The following FLVCR2 variants were observed in gnomAD, a reference collection of about 807,000 sequenced individuals.
FLVCR2 encodes choline/ethanolamine transporter FLVCR2.
Under a neutral mutation model 48.9 loss-of-function variants are expected in FLVCR2, and 38 were observed. The observed-to-expected ratio is 0.78, with a 90% CI of 0.60 to 1.02. The LOEUF is 1.02. FLVCR2 is among the 50% of genes least tolerant of loss of function. The probability of loss-of-function intolerance (pLI) is 0.00; values close to 1 mark genes in which losing one functional copy is unlikely to be tolerated. For missense variants in FLVCR2, 664 were observed against 663.3 expected (o/e 1.00, Z -0.01); for synonymous variants, 255 against 257.0 (o/e 0.99, Z 0.07).
intron 1 of FLVCR2, among the ~76,000 whole-genome samples, chr14:75,613,754 T>C (rs2140029583): frequency 6.6e-6 from 1 of 152,250 alleles, no homozygotes; most frequent in Middle Eastern, 3.4e-3. Flanking sequence ...TTTCACCAGG[T>C]TGGCCAGGCT....
intron 1 of FLVCR2, among the ~76,000 whole-genome samples, chr14:75,611,692 C>T (rs762889620): frequency 2.6e-5 from 4 of 151,982 alleles, no homozygotes; most frequent in Admixed American, 1.3e-4. Flanking sequence ...GAGCCGAGAT[C>T]GCACCACTGC....
At chr14:75,586,431 C>T (rs773216237) in intron 1 of FLVCR2, among the ~76,000 whole-genome samples, 2 of 152,246 alleles carry the variant, frequency 1.3e-5, no homozygotes, top group South Asian at 2.1e-4. Flanking sequence ...TTGCTTCAGG[C>T]GATCTGGATG....
intron 1 of FLVCR2, among the ~76,000 whole-genome samples, chr14:75,618,879 A>G (rs889531735): frequency 2.2e-4 from 33 of 148,164 alleles, no homozygotes; most frequent in Admixed American, 6.7e-5. Context: ...GGTGCTGAGC[A>G]GCAGGGTTTT....
intron 1 of FLVCR2, among the ~76,000 whole-genome samples, chr14:75,602,317 T>C (rs1169253498): frequency 1.3e-5 from 2 of 151,960 alleles, no homozygotes; most frequent in African/African-American, 4.8e-5. Flanking sequence ...CCAGCCCCCT[T>C]CTGAGGCTAC....
At chr14:75,607,657 C>A (rs1255892796) in intron 1 of FLVCR2, among the ~76,000 whole-genome samples, 1 of 152,180 alleles carries the variant, frequency 6.6e-6, no homozygotes, top group Non-Finnish European at 1.5e-5. Context: ...GGACTTTGGG[C>A]ATCCTGCTCT....
intron 1 of FLVCR2, among the ~76,000 whole-genome samples, chr14:75,593,691 T>C (rs1399494202): frequency 1.3e-5 from 2 of 152,238 alleles, no homozygotes; most frequent in African/African-American, 4.8e-5. Flanking sequence ...ACTCAGATCA[T>C]ATCCGAACCA....
At chr14:75,616,043 A>AAAAAAAAAAAAAAAC (rs1889607018) in intron 1 of FLVCR2, among the ~76,000 whole-genome samples, 1 of 145,008 alleles carries the variant, frequency 6.9e-6, no homozygotes, top group South Asian at 2.2e-4. Flanking sequence ...AAAAAAAAAA[A>AAAAAAAAAAAAAAAC]AAAAATAGCG....
Position 75,579,489 on chromosome 14 carries a change from A to T in FLVCR2, c.517A>T (p.Lys173Ter). 6.2e-7 allele frequency: 1 copy of T among 1,612,954 alleles called. No homozygotes were observed. The highest frequency in any genetic ancestry group is 1.1e-5 in the South Asian group (1 of 91,054). ...GGCCTGGGTGAAGCTGGGCAGCCTG[A>T]AGCCGCATCTCTTTCCGGTCACCGT... is the stretch of plus-strand genomic sequence containing the variant. ...LGAWVKLGSL[K>*]PHLFPVTVVG... The change falls in exon 1 of 10, where the codon AAG becomes TAG. Residue 173 changes from lysine to a stop codon, truncating the protein, a stop_gained. Coordinates refer to ENST00000238667, the MANE Select transcript of FLVCR2 (RefSeq NM_017791.3). LOFTEE classifies it high-confidence loss of function.
chr14:75,623,231 C>T (rs1019244482), intron 2 of FLVCR2, among the ~76,000 whole-genome samples: 3 of 152,236 alleles, frequency 2.0e-5, no homozygotes, highest in Non-Finnish European at 4.4e-5. Context: ...ATCTACCCGC[C>T]TCAGCCTCCC....
intron 1 of FLVCR2, among the ~76,000 whole-genome samples, chr14:75,589,117 G>A (rs780563095): frequency 6.6e-6 from 1 of 152,132 alleles, no homozygotes; most frequent in African/African-American, 2.4e-5. Flanking sequence ...TTGGGAGGCT[G>A]AGGTACAAGG....
intron 1 of FLVCR2, among the ~76,000 whole-genome samples, chr14:75,615,508 C>T (rs935439169): frequency 2.0e-5 from 3 of 152,110 alleles, no homozygotes; most frequent in Non-Finnish European, 1.5e-5. Context: ...AGGGAGTGAG[C>T]CTCAGCCCGA....
At chr14:75,600,395 T>C (rs1435567856) in intron 1 of FLVCR2, among the ~76,000 whole-genome samples, 1 of 152,206 alleles carries the variant, frequency 6.6e-6, no homozygotes, top group Non-Finnish European at 1.5e-5. Context: ...AGCTGAGCAG[T>C]CCATGCCACT....
At chr14:75,615,958 T>G (rs1233447903) in intron 1 of FLVCR2, among the ~76,000 whole-genome samples, 2 of 129,140 alleles carry the variant, frequency 1.5e-5, no homozygotes, top group South Asian at 2.4e-4. Flanking sequence ...ACCCGGGAGA[T>G]GGAGCTTGCA....
chr14:75,579,887 C>T lies in FLVCR2; in HGVS notation c.669+246C>T, dbSNP rs17103483. ...AAGCATGCTTCTAGAACATACTATA[C>T]CTTCGCTGTGTCGTTCTCGAACCTG... is the stretch of plus-strand genomic sequence containing the variant. On this transcript the variant is annotated intron_variant, in intron 1 of 9. Transcript: ENST00000238667. Among the ~76,000 whole-genome samples the T allele has an allele frequency of 0.23, 34,910 of 152,140 alleles. 4,262 individuals are homozygous for T. Among genetic ancestry groups the T allele is most frequent in the East Asian group, 0.32 (1,664 of 5,166 alleles).
At chr14:75,622,572 G>A (rs1160807367) in intron 2 of FLVCR2, among the ~76,000 whole-genome samples, 2 of 152,154 alleles carry the variant, frequency 1.3e-5, no homozygotes, top group Non-Finnish European at 2.9e-5. Context: ...ATTTCATTTA[G>A]TTGTCAACAG....
chr14:75,579,616 GCTCCGTGGCTGT>G lies in FLVCR2; in HGVS notation c.647_658del (p.Ser216_Val219del), dbSNP rs1393489140. On this transcript the variant is annotated inframe_deletion, in exon 1 of 10. Coordinates refer to ENST00000238667, the MANE Select transcript of FLVCR2 (RefSeq NM_017791.3). The stretch of plus-strand genomic sequence containing the variant: ...GGGGCTAATGAGGTTTCAACAGCCT[GCTCCGTGGCTGT>G]CTTTGGCAATCAGGTAGGTAGAACA... 2 of 1,614,106 alleles carry G rather than the reference GCTCCGTGGCTGT, an allele frequency of 1.2e-6. No individual in the cohort carries two copies. Among genetic ancestry groups the G allele is most frequent in the South Asian group, 2.2e-5 (2 of 91,080 alleles).
chr14:75,628,183 C>T (rs965259917), intron 3 of FLVCR2, among the ~76,000 whole-genome samples: 4 of 152,048 alleles, frequency 2.6e-5, no homozygotes, highest in East Asian at 1.9e-4. Context: ...GGCATGATCT[C>T]GGCTCACTGC....
chr14:75,639,939 G>A (rs550191541), intron 6 of FLVCR2, among the ~76,000 whole-genome samples: 1 of 152,280 alleles, frequency 6.6e-6, no homozygotes, highest in South Asian at 2.1e-4. Context: ...AGATATGAAA[G>A]CATCAAGAAG....
intron 1 of FLVCR2, among the ~76,000 whole-genome samples, chr14:75,606,219 G>C (rs1281853267): frequency 6.6e-6 from 1 of 152,074 alleles, no homozygotes; most frequent in Non-Finnish European, 1.5e-5. Flanking sequence ...TAGAGATGGG[G>C]TTTTGCCACG....
Sources: allele counts gnomAD v4.1 joint callset (sites outside exome capture counted in the v4.1 genomes callset), GRCh38; gene constraint gnomAD v4.1.1; transcripts MANE v1.5; gene names NCBI Gene and HGNC (gene_info 2026-07-23, HGNC 2026-07-21).